Variants in P2RY8 observed in about 807,000 individuals in gnomAD.
P2RY8 encodes S-geranylgeranyl-glutathione receptor P2RY8.
Under a neutral mutation model 10.0 loss-of-function variants are expected in P2RY8, and 6 were observed. That is an observed-to-expected ratio of 0.60 (90% CI 0.33 to 1.19). P2RY8 has a LOEUF of 1.19. P2RY8 is among the 50% of genes most tolerant of loss of function. The probability of loss-of-function intolerance (pLI) is 0.04; values close to 1 mark genes in which losing one functional copy is unlikely to be tolerated. For synonymous variants in P2RY8, 276 were observed against 252.5 expected (o/e 1.09, Z -0.88); for missense variants, 456 against 542.0 (o/e 0.84, Z 1.58).
At chrX:1,532,555 T>C (rs1438818638) in intron 1 of P2RY8, among the ~76,000 whole-genome samples, 1 of 151,720 alleles carries the variant, frequency 6.6e-6, no homozygotes, top group Non-Finnish European at 1.5e-5. Context: ...TATGATGGAA[T>C]ACTACTCAGT....
At chrX:1,508,712 A>C (rs1338904326) in intron 1 of P2RY8, among the ~76,000 whole-genome samples, 1 of 48,852 alleles carries the variant, frequency 2.0e-5, no homozygotes, top group African/African-American at 5.2e-5. Context: ...CATTCTATCT[A>C]TCTATCTATC....
intron 1 of P2RY8, among the ~76,000 whole-genome samples, chrX:1,467,855 T>C (rs1269668051): frequency 5.3e-5 from 8 of 151,946 alleles, no homozygotes; most frequent in Non-Finnish European, 8.8e-5. Context: ...ATATTTTTAT[T>C]TTTTGTAGAT....
chrX:1,486,513 A>G (rs769290726), intron 1 of P2RY8, among the ~76,000 whole-genome samples: 163 of 152,288 alleles, frequency 1.1e-3, no homozygotes, highest in African/African-American at 3.8e-3. Flanking sequence ...TGCCCAGAAC[A>G]TGCTGATCCA....
At position 1,462,654 on chromosome X, in the gene P2RY8, C is replaced by T. The variant is rs2091599313; in HGVS notation, c.*2825G>A. The T allele has an allele frequency of 4.3e-6, 1 of 232,698 alleles. No individual in the cohort carries two copies. The highest frequency in any genetic ancestry group is 2.2e-5 in the African/African-American group (1 of 45,228). The allele number at this position is 232,698 out of a possible 1,614,324, so 14.4% of individuals were successfully genotyped here. On this transcript the variant is annotated 3_prime_UTR_variant, in exon 2 of 2. Coordinates refer to ENST00000381297, the MANE Select transcript of P2RY8 (RefSeq NM_178129.5). The stretch of plus-strand genomic sequence containing the variant: ...ACAGAGATGAGTTCTCACTGTGTTG[C>T]CTAGGTTGGCCCTTGAACACCCGGA...
chrX:1,467,340 A>C (rs1408063249), intron 1 of P2RY8, among the ~76,000 whole-genome samples: 2 of 152,076 alleles, frequency 1.3e-5, no homozygotes, highest in Admixed American at 1.3e-4. Flanking sequence ...AGCTTCCTCA[A>C]GCTGGCTTTA....
intron 1 of P2RY8, among the ~76,000 whole-genome samples, chrX:1,470,518 TCAAAA>T (rs1273789335): frequency 4.6e-5 from 7 of 151,788 alleles, no homozygotes; most frequent in South Asian, 2.1e-4. Context: ...AAACTCCATC[TCAAAA>T]CAAAACAAAA....
At chrX:1,513,819 C>T (rs1460956333) in intron 1 of P2RY8, among the ~76,000 whole-genome samples, 1 of 151,578 alleles carries the variant, frequency 6.6e-6, no homozygotes, top group Non-Finnish European at 1.5e-5. Flanking sequence ...GGCTTGTGGC[C>T]CCATCACTCC....
rs2091905039 is a variant in P2RY8, at chrX:1,478,812, GC to G, written c.-24-12231del. On this transcript the variant is annotated intron_variant, in intron 1 of 1. Coordinates refer to ENST00000381297, the MANE Select transcript of P2RY8 (RefSeq NM_178129.5). ...TTTTATGTGAACATAGATAGCAGGGGCTGGGAAAACAGAGAAGCTAGGTGGT... is the reference window on the plus strand; with the variant it reads ...TTTTATGTGAACATAGATAGCAGGGGTGGGAAAACAGAGAAGCTAGGTGGT... Among the ~76,000 whole-genome samples, 4 of 152,156 alleles carry G rather than the reference GC, an allele frequency of 2.6e-5. No individual in the cohort carries two copies. The South Asian group carries it at 8.3e-4, about 32-fold the overall frequency.
Position 1,463,126 on chromosome X carries a change from C to T in P2RY8, c.*2353G>A, listed in dbSNP as rs772589995. 1.7e-5 allele frequency: 4 copies of T among 233,146 alleles called. No homozygotes were observed. The highest frequency in any genetic ancestry group is 1.8e-4 in the South Asian group (1 of 5,518). The allele number at this position is 233,146 out of a possible 1,614,324, so 14.4% of individuals were successfully genotyped here. On this transcript the variant is annotated 3_prime_UTR_variant, in exon 2 of 2. Coordinates refer to ENST00000381297, the MANE Select transcript of P2RY8 (RefSeq NM_178129.5). ...TTTGTTTACAAGGCAGTTTAGGGAT[C>T]GTCCGTGCGTTACTGTGAAGATGCT...
At chrX:1,484,739 AAAAAAAAAAG>A (rs1569537006) in intron 1 of P2RY8, among the ~76,000 whole-genome samples, 5 of 139,552 alleles carry the variant, frequency 3.6e-5, no homozygotes, top group African/African-American at 1.3e-4. Context: ...AAAAAAAAAA[AAAAAAAAAAG>A]AAGAAGAAGA....
chrX:1,498,494 C>T (rs2092142082), intron 1 of P2RY8, among the ~76,000 whole-genome samples: 1 of 150,240 alleles, frequency 6.7e-6, no homozygotes, highest in Non-Finnish European at 1.5e-5. Flanking sequence ...CCTCCCAACA[C>T]TATGGGACCT....
At chrX:1,486,818 C>G (rs1420518168) in intron 1 of P2RY8, among the ~76,000 whole-genome samples, 1 of 152,220 alleles carries the variant, frequency 6.6e-6, no homozygotes, top group Non-Finnish European at 1.5e-5. Flanking sequence ...CCCCTACACC[C>G]TCCTGGCTGA....
intron 1 of P2RY8, among the ~76,000 whole-genome samples, chrX:1,513,522 T>C (rs1454110951): frequency 1.3e-5 from 2 of 150,264 alleles, no homozygotes; most frequent in East Asian, 2.0e-4. Context: ...CGTGGCCTTC[T>C]CCTCTGTGTC....
At chrX:1,517,826 C>T (rs1444697174) in intron 1 of P2RY8, among the ~76,000 whole-genome samples, 15 of 152,060 alleles carry the variant, frequency 9.9e-5, no homozygotes, top group Admixed American at 2.0e-4. Context: ...AGTAATCTCT[C>T]GGCCACACGC....
chrX:1,502,946 G>T (rs2092194465), intron 1 of P2RY8, among the ~76,000 whole-genome samples: 1 of 151,792 alleles, frequency 6.6e-6, no homozygotes, highest in Admixed American at 6.6e-5. Flanking sequence ...ATCCTGGAAA[G>T]ATATGTCCAT....
In P2RY8 at chrX:1,464,705, C is replaced by A; in HGVS notation, c.*774G>T. ...GACCTCCTTCTCTATCAGGGACTCA[C>A]AGAAGCAGAATAGGGGTGGGGTCCC... On this transcript the variant is annotated 3_prime_UTR_variant, in exon 2 of 2. Transcript: ENST00000381297. 1 of 233,314 alleles carries A rather than the reference C, an allele frequency of 4.3e-6. No homozygotes were observed. The highest frequency in any genetic ancestry group is 8.5e-6 in the Non-Finnish European group (1 of 118,184). 14.5% of individuals were successfully genotyped at this position (233,314 alleles called of 1,614,324 possible).
chrX:1,509,406 ATCTATCTATT>A (rs1305204233), intron 1 of P2RY8, among the ~76,000 whole-genome samples: 1 of 133,700 alleles, frequency 7.5e-6, no homozygotes, highest in Non-Finnish European at 1.6e-5. Flanking sequence ...CTATCTATCT[ATCTATCTATT>A]TCTATTATCT....
chrX:1,509,263 CATCT>C (rs199609676), intron 1 of P2RY8, among the ~76,000 whole-genome samples: 21,662 of 147,864 alleles, frequency 0.15, 2,107 homozygotes, highest in Non-Finnish European at 0.22. Flanking sequence ...TCTGTCTAGC[CATCT>C]ATCTATCTAT....
Position 1,478,272 on chromosome X carries a change from T to TGTGTGTGTGTGTGTGTGC in P2RY8, c.-24-11691_-24-11690insGCACACACACACACACAC, listed in dbSNP as rs1318193075. ...GTATGTGTGTGTGTGTGTGTGTGTG[T>TGTGTGTGTGTGTGTGTGC]GCCCAGCAGGGAAGCAGAAATTATT... is the stretch of plus-strand genomic sequence containing the variant. On this transcript the variant is annotated intron_variant, in intron 1 of 1. Transcript: ENST00000381297. Among the ~76,000 whole-genome samples the TGTGTGTGTGTGTGTGTGC allele has an allele frequency of 4.6e-3, 480 of 103,982 alleles. 4 individuals carry two copies. The highest frequency in any genetic ancestry group is 0.035 in the Middle Eastern group (6 of 170). The allele number at this position is 103,982 out of a possible 152,430, so 68.2% of individuals were successfully genotyped here. A position where few individuals can be genotyped will look rare whatever the true frequency, so the allele number is the denominator to read the frequency against.
Sources: gnomAD v4.1 joint callset for allele counts (sites outside exome capture counted in the v4.1 genomes callset) on GRCh38, gnomAD v4.1.1 for gene constraint, MANE v1.5 for transcripts, NCBI Gene and HGNC (gene_info 2026-07-23, HGNC 2026-07-21) for gene names.